The following PLEKHG5 variants were observed in gnomAD, a reference collection of about 807,000 sequenced individuals.
PLEKHG5 encodes pleckstrin homology domain-containing family G member 5.
In PLEKHG5, 52 loss-of-function variants were observed where a neutral mutation model predicts 103.8. That is an observed-to-expected ratio of 0.50 (90% CI 0.40 to 0.63). PLEKHG5 has a LOEUF of 0.63. Ranked by LOEUF, PLEKHG5 falls within the 30% of genes least tolerant of loss-of-function variation. The pLI is 0.00. For missense variants in PLEKHG5, 1,205 were observed against 1,347.6 expected, an observed-to-expected ratio of 0.89 and a Z score of 1.66; for synonymous variants, 592 against 575.5, an observed-to-expected ratio of 1.03 and a Z score of -0.41.
intron 2 of PLEKHG5, 72 bp downstream of exon 2, chr1:6,477,457 C>G: frequency 6.7e-7 from 1 of 1,496,794 alleles, no homozygotes; most frequent in Non-Finnish European, 9.2e-7. Context: ...CGCCCTAGCA[C>G]GTTTCCGACA....
intron 1 of PLEKHG5, among the ~76,000 whole-genome samples, chr1:6,482,650 G>C (rs1414826730): frequency 6.6e-6 from 1 of 152,194 alleles, no homozygotes; most frequent in Non-Finnish European, 1.5e-5. Context: ...AGTGGATCTA[G>C]GACTTGAAGC....
intron 1 of PLEKHG5, among the ~76,000 whole-genome samples, chr1:6,489,264 C>T (rs934242843): frequency 5.3e-5 from 8 of 152,308 alleles, no homozygotes; most frequent in African/African-American, 1.9e-4. Context: ...GTGGCTTTGC[C>T]AGGCGGCTCT....
rs776663985 is a variant in PLEKHG5, at chr1:6,473,183, A to G, written c.796-9T>C. On this transcript the variant is annotated splice_polypyrimidine_tract_variant and intron_variant, in intron 8 of 20. Transcript: ENST00000377728. ...TCCATCTTGTCTACCTCCTGGAAAG[A>G]TACCCTGGTCAGGGTCAGGGGTCAT... 1 of 1,613,588 alleles carries G rather than the reference A, an allele frequency of 6.2e-7. No homozygotes were observed. Among genetic ancestry groups the G allele is most frequent in the Admixed American group, 1.7e-5 (1 of 60,026 alleles).
At chr1:6,493,946 C>G (rs1398818395), upstream of PLEKHG5, among the ~76,000 whole-genome samples, 1 of 150,414 alleles carries the variant, frequency 6.6e-6, no homozygotes. Flanking sequence ...AGGCATGAGC[C>G]CCTGCGCCTG....
intron 2 of PLEKHG5, among the ~76,000 whole-genome samples, chr1:6,476,710 A>T (rs1644773016): frequency 6.6e-6 from 1 of 152,188 alleles, no homozygotes; most frequent in Non-Finnish European, 1.5e-5. Context: ...TGCTGTGACC[A>T]CACCTGAATT....
intron 1 of PLEKHG5, among the ~76,000 whole-genome samples, chr1:6,484,307 G>C (rs542282272): frequency 6.6e-6 from 1 of 152,150 alleles, no homozygotes; most frequent in Non-Finnish European, 1.5e-5. Flanking sequence ...GAGGCTGCTC[G>C]ACTCCTCCAG....
At chr1:6,507,406 C>T (rs1638354460) in intron 1 of PLEKHG5, among the ~76,000 whole-genome samples, 1 of 152,166 alleles carries the variant, frequency 6.6e-6, no homozygotes, top group Non-Finnish European at 1.5e-5. Context: ...CTTCAGAAAT[C>T]CAGACTTGAA....
intron 1 of PLEKHG5, among the ~76,000 whole-genome samples, chr1:6,483,473 G>A (rs1644949974): frequency 2.0e-5 from 3 of 152,128 alleles, no homozygotes; most frequent in Non-Finnish European, 2.9e-5. Flanking sequence ...ACTCCAGCCC[G>A]GGCCACACAG....
chr1:6,504,031 G>C (rs1303285614), intron 1 of PLEKHG5, among the ~76,000 whole-genome samples: 1 of 152,238 alleles, frequency 6.6e-6, no homozygotes, highest in African/African-American at 2.4e-5. Context: ...AGTCTGAGTG[G>C]GGGCGAGAGG....
chr1:6,483,200 G>A (rs1016935815), intron 1 of PLEKHG5, among the ~76,000 whole-genome samples: 3 of 152,156 alleles, frequency 2.0e-5, no homozygotes, highest in South Asian at 2.1e-4. Flanking sequence ...ACTGGCAGTC[G>A]GCAGGTGGCA....
chr1:6,479,054 C>T (rs1263120186), intron 1 of PLEKHG5, among the ~76,000 whole-genome samples: 1 of 152,118 alleles, frequency 6.6e-6, no homozygotes, highest in East Asian at 1.9e-4. Flanking sequence ...CTCTCCCATT[C>T]TCTTCTCGGC....
In PLEKHG5 at chr1:6,475,590, G is replaced by A; in HGVS notation, c.150-68C>T. The A allele has an allele frequency of 3.8e-6, 5 of 1,330,516 alleles. No individual in the cohort carries two copies. In the Middle Eastern group the frequency reaches 7.6e-4, roughly 203 times the overall value. 82.4% of individuals were successfully genotyped at this position (1,330,516 alleles called of 1,614,324 possible). On this transcript the variant is annotated intron_variant, in intron 3 of 20. Transcript: ENST00000377728. ...CCCTCGCCAGCGTGGGCGGCGAGTG[G>A]GCCTGTGGCCTCCCCGCCCTTGGCT...
At chr1:6,470,919 GC>G in intron 13 of PLEKHG5, 35 bp from the exon 14 acceptor site, 1 of 1,547,888 alleles carries the variant, frequency 6.5e-7, no homozygotes. Flanking sequence ...CTCAGGGCAG[GC>G]CCCGCCCCAC....
rs1368069180 is a variant in PLEKHG5, at chr1:6,477,501, C to T, written c.43+28G>A. The T allele has an allele frequency of 3.7e-6, 6 of 1,607,060 alleles. No individual in the cohort carries two copies. The South Asian group carries it at 6.6e-5, about 18-fold the overall frequency. ...AACACTGACACAGGAGCTCTGGGGGCCGAGCTGCGGCTCCCGCCTGTGCTC... is the reference window on the plus strand; with the variant it reads ...AACACTGACACAGGAGCTCTGGGGGTCGAGCTGCGGCTCCCGCCTGTGCTC... On this transcript the variant is annotated intron_variant, in intron 2 of 20. Transcript: ENST00000377728.
intron 1 of PLEKHG5, among the ~76,000 whole-genome samples, chr1:6,488,296 C>T (rs192188250): frequency 6.6e-6 from 1 of 152,400 alleles, no homozygotes; most frequent in African/African-American, 2.4e-5. Context: ...CCTGTGTCAA[C>T]TGACTTGCCC....
At chr1:6,494,390 CA>C (rs1055883143), upstream of PLEKHG5, among the ~76,000 whole-genome samples, 1 of 152,002 alleles carries the variant, frequency 6.6e-6, no homozygotes, top group Admixed American at 6.6e-5. Context: ...CTTGGCCTCC[CA>C]AAGTGCTGGG....
At chr1:6,474,937 C>T (rs1644714600) in intron 5 of PLEKHG5, 110 bp downstream of exon 5, 18 of 812,236 alleles carry the variant, frequency 2.2e-5, no homozygotes, top group South Asian at 4.0e-5. Flanking sequence ...CGCTCGCTCA[C>T]GGGCCACCAC....
rs1436108416 is a variant in PLEKHG5 at position 6,473,250 on chromosome 1, C to A, written c.795+1G>T. 1 of 1,611,768 alleles carries A rather than the reference C, an allele frequency of 6.2e-7. No homozygotes were observed. Among genetic ancestry groups the A allele is most frequent in the Non-Finnish European group, 8.5e-7 (1 of 1,179,326 alleles). On this transcript the variant is annotated splice_donor_variant, in intron 8 of 20. Transcript: ENST00000377728. LOFTEE classifies it high-confidence loss of function. ...GACCCTGGGCAGATGGGGCCACATA[C>A]CCGGCCAAAGGCGCTGGTGCTGGGG... is the stretch of plus-strand genomic sequence containing the variant.
intron 1 of PLEKHG5, among the ~76,000 whole-genome samples, chr1:6,481,524 A>AAAATAAATAAATAAAT (rs199883420): frequency 2.8e-5 from 4 of 144,216 alleles, no homozygotes; most frequent in East Asian, 4.2e-4. Flanking sequence ...ACTCCGTCTC[A>AAAATAAATAAATAAAT]AAATAAATAA....
Sources: allele counts gnomAD v4.1 joint callset (sites outside exome capture counted in the v4.1 genomes callset), GRCh38; gene constraint gnomAD v4.1.1; transcripts MANE v1.5; gene names NCBI Gene and HGNC (gene_info 2026-07-23, HGNC 2026-07-21).